ZNF106: variants seen among roughly 807,000 people sequenced by gnomAD.
ZNF106 encodes SH3-domain binding protein 3.
A neutral mutation model predicts 195.1 loss-of-function variants in ZNF106; 67 were observed. The ratio of observed to expected loss-of-function variants is 0.34; its 90% CI spans 0.28 to 0.42. The LOEUF is 0.42. Ranked by LOEUF, ZNF106 falls within the 10% of genes least tolerant of loss-of-function variation. The probability of loss-of-function intolerance (pLI) is 1.00; values close to 1 mark genes in which losing one functional copy is unlikely to be tolerated. For synonymous variants in ZNF106, 784 were observed against 818.6 expected (o/e 0.96, Z 0.72); for missense variants, 2,118 against 2,304.5 (o/e 0.92, Z 1.66).
chr15:42,447,625 A>C (rs2055821620), intron 6 of ZNF106, among the ~76,000 whole-genome samples: 1 of 152,236 alleles, frequency 6.6e-6, no homozygotes, highest in African/African-American at 2.4e-5. Context: ...CTCTGCTCAT[A>C]TATATGCACT....
At chr15:42,430,112 G>C (rs898659203) in intron 14 of ZNF106, among the ~76,000 whole-genome samples, 2 of 152,012 alleles carry the variant, frequency 1.3e-5, no homozygotes, top group African/African-American at 2.4e-5. Flanking sequence ...GTGCTTTACT[G>C]TATGAAGTTA....
chr15:42,479,678 C>T (rs2056859676), intron 1 of ZNF106, among the ~76,000 whole-genome samples: 1 of 151,846 alleles, frequency 6.6e-6, no homozygotes, highest in South Asian at 2.1e-4. Context: ...CCCATCTCTA[C>T]TAATAATATA....
chr15:42,453,523 T>G (rs1037065646), intron 4 of ZNF106, among the ~76,000 whole-genome samples: 1 of 152,174 alleles, frequency 6.6e-6, no homozygotes. Flanking sequence ...ACTGAGTACC[T>G]GAGTGTCAGG....
chr15:42,421,863 T>C, intron 19 of ZNF106, 54 bp downstream of exon 19: 1 of 1,453,126 alleles, frequency 6.9e-7, no homozygotes, highest in Non-Finnish European at 9.3e-7. Context: ...GTGACAAGAA[T>C]TTTTTAGCAA....
intron 17 of ZNF106, among the ~76,000 whole-genome samples, chr15:42,423,370 CAAA>C (rs113979691): frequency 7.4e-6 from 1 of 135,160 alleles, no homozygotes. Flanking sequence ...ACCCCTATCT[CAAA>C]AAAAAAAAAG....
intron 5 of ZNF106, among the ~76,000 whole-genome samples, chr15:42,449,354 G>A (rs1478668436): frequency 1.3e-5 from 2 of 152,162 alleles, no homozygotes; most frequent in Non-Finnish European, 2.9e-5. Flanking sequence ...TTAACTATTC[G>A]TAGGTTCTAA....
Position 42,449,916 on chromosome 15 carries a change from G to A in ZNF106, c.2356C>T (p.His786Tyr). The change falls in exon 5 of 22, where the codon CAC becomes TAC. Residue 786 changes from histidine (H) to tyrosine (Y), a missense_variant. By Grantham distance (83) the His-to-Tyr change is moderately conservative. Transcript: ENST00000564754. The stretch of plus-strand genomic sequence containing the variant: ...TCCTTCTCTGTCTCACTCTTTCGGT[G>A]ACCGCTAATATTGCGAATGCGGCGG... The part of the protein sequence containing the change: ...SARRIRNISG[H>Y]RKSETEKESG... 6.2e-7 allele frequency: 1 copy of A among 1,614,098 alleles called. No individual in the cohort carries two copies. Among genetic ancestry groups the A allele is most frequent in the Non-Finnish European group, 8.5e-7 (1 of 1,180,036 alleles).
chr15:42,444,214 G>T lies in ZNF106; in HGVS notation c.3409C>A (p.Gln1137Lys). The T allele has an allele frequency of 6.2e-7, 1 of 1,607,520 alleles. No homozygotes were observed. Among genetic ancestry groups the T allele is most frequent in the Non-Finnish European group, 8.5e-7 (1 of 1,176,400 alleles). The change falls in exon 9 of 22, where the codon CAG becomes AAG. Residue 1137 changes from glutamine (Q) to lysine (K), a missense_variant. By Grantham distance (53) the Gln-to-Lys change is moderately conservative. Transcript: ENST00000564754. ...GCCCTCTGAATACCTTGTAATCCCT[G>T]TAGAATCTGTATTCTATGGGTCCTC... ...ALRTHRIQILQGLQETYEPSE... is the reference protein window; with the variant it reads ...ALRTHRIQILKGLQETYEPSE...
intron 14 of ZNF106, among the ~76,000 whole-genome samples, chr15:42,433,643 C>T (rs952396472): frequency 2.0e-5 from 3 of 151,484 alleles, no homozygotes; most frequent in East Asian, 2.0e-4. Context: ...TCACCACACC[C>T]GACTAATTTT....
Position 42,457,031 on chromosome 15 carries a change from C to T in ZNF106, c.244G>A (p.Gly82Arg), listed in dbSNP as rs753541339. ...DAQEREDDGK[G>R]EEEEEDYFDK... ...AAATAATCTTCTTCCTCTTCCTCTCCTTTTCCATCATCTTCTCTTTCCTGG... is the reference window on the plus strand; with the variant it reads ...AAATAATCTTCTTCCTCTTCCTCTCTTTTTCCATCATCTTCTCTTTCCTGG... Residue 82 changes from glycine (G) to arginine (R), a missense_variant, in exon 4 of 22, where the codon GGA (glycine) becomes AGA (arginine). Coordinates refer to ENST00000564754, the MANE Select transcript of ZNF106 (RefSeq NM_001366845.3). 2 of 1,609,660 alleles carry T rather than the reference C, an allele frequency of 1.2e-6. No individual in the cohort carries two copies. Among genetic ancestry groups the T allele is most frequent in the East Asian group, 2.2e-5 (1 of 44,734 alleles).
intron 5 of ZNF106, 117 bp from the exon 6 acceptor site, chr15:42,448,822 T>A: frequency 9.2e-7 from 1 of 1,088,810 alleles, no homozygotes; most frequent in Non-Finnish European, 1.3e-6. Flanking sequence ...AAGGTGGCTC[T>A]TGCCTTCAAG....
intron 1 of ZNF106, among the ~76,000 whole-genome samples, chr15:42,472,893 C>G (rs1453746020): frequency 6.6e-6 from 1 of 151,730 alleles, no homozygotes; most frequent in Non-Finnish European, 1.5e-5. Context: ...GCCTGTAATA[C>G]CAGCTACTCA....
chr15:42,478,161 T>C (rs777660462), intron 1 of ZNF106, among the ~76,000 whole-genome samples: 14 of 151,580 alleles, frequency 9.2e-5, no homozygotes, highest in African/African-American at 2.9e-4. Flanking sequence ...TATTGATACA[T>C]TGTTATTTAT....
intron 1 of ZNF106, among the ~76,000 whole-genome samples, chr15:42,473,349 T>A (rs2056720019): frequency 6.6e-6 from 1 of 152,224 alleles, no homozygotes; most frequent in African/African-American, 2.4e-5. Context: ...ACCTAGTCTT[T>A]GCCATGGCTA....
chr15:42,441,055 T>G (rs2055515546), intron 10 of ZNF106, among the ~76,000 whole-genome samples: 2 of 94,746 alleles, frequency 2.1e-5, no homozygotes, highest in Admixed American at 2.8e-4. Context: ...ATATGCTAAG[T>G]CACGCGCAGT....
intron 1 of ZNF106, among the ~76,000 whole-genome samples, chr15:42,489,879 T>A (rs2057104128): frequency 6.7e-6 from 1 of 149,956 alleles, no homozygotes; most frequent in Non-Finnish European, 1.5e-5. Flanking sequence ...CTACTAAAAA[T>A]ACAAAAATTA....
At chr15:42,438,073 A>T (rs180693346) in intron 12 of ZNF106, among the ~76,000 whole-genome samples, 7 of 151,968 alleles carry the variant, frequency 4.6e-5, no homozygotes, top group African/African-American at 1.2e-4. Flanking sequence ...TTAGTTGAAC[A>T]GATAAGGGAG....
chr15:42,486,261 CT>C (rs906411276), intron 1 of ZNF106, among the ~76,000 whole-genome samples: 1 of 148,082 alleles, frequency 6.8e-6, no homozygotes, highest in Non-Finnish European at 1.5e-5. Flanking sequence ...CCCAGCCCTT[CT>C]TTTTTTTTTC....
At chr15:42,477,275 T>C (rs1478939917) in intron 1 of ZNF106, among the ~76,000 whole-genome samples, 1 of 152,228 alleles carries the variant, frequency 6.6e-6, no homozygotes, top group Non-Finnish European at 1.5e-5. Flanking sequence ...TCTTTAGGCC[T>C]TTTTTCTTTT....
Sources: allele counts gnomAD v4.1 joint callset (sites outside exome capture counted in the v4.1 genomes callset), GRCh38; gene constraint gnomAD v4.1.1; transcripts MANE v1.5; gene names NCBI Gene and HGNC (gene_info 2026-07-23, HGNC 2026-07-21).